The following UHMK1 variants were observed in gnomAD, a reference collection of about 807,000 sequenced individuals.
UHMK1 encodes serine/threonine-protein kinase Kist.
In UHMK1, 18 loss-of-function variants were observed where a neutral mutation model predicts 44.0. The observed-to-expected ratio is 0.41, with a 90% CI of 0.28 to 0.61. The LOEUF (loss-of-function observed/expected upper bound fraction) is 0.61. UHMK1 is among the 20% of genes least tolerant of loss of function. UHMK1 has a pLI of 0.31. For synonymous variants in UHMK1, 231 were observed against 198.5 expected, an observed-to-expected ratio of 1.16 and a Z score of -1.38; for missense variants, 463 against 522.5, an observed-to-expected ratio of 0.89 and a Z score of 1.11.
intron 7 of UHMK1, among the ~76,000 whole-genome samples, chr1:162,520,357 A>G (rs1652010634): frequency 6.6e-6 from 1 of 152,242 alleles, no homozygotes; most frequent in Admixed American, 6.5e-5. Flanking sequence ...ACTAATATGT[A>G]TAATTGTATC....
At chr1:162,497,685 A>G (rs1259509270), upstream of UHMK1, 1 of 841,250 alleles carries the variant, frequency 1.2e-6, no homozygotes, top group Non-Finnish European at 1.6e-6. Context: ...TAGATACTCA[A>G]TAATTAAGGT....
At chr1:162,514,307 G>T (rs7536664) in intron 6 of UHMK1, among the ~76,000 whole-genome samples, 68,543 of 150,460 alleles carry the variant, frequency 0.46, 15,629 homozygotes, top group East Asian at 0.47. Flanking sequence ...AAAAAAAGAG[G>T]GTAGACTGAG....
chr1:162,523,816 A>G lies in UHMK1; in HGVS notation c.*1266A>G, dbSNP rs1652145927. On this transcript the variant is annotated 3_prime_UTR_variant, in exon 8 of 8. Coordinates refer to ENST00000489294, the MANE Select transcript of UHMK1 (RefSeq NM_175866.5). ...TTTGGCTTTTGACTGCAAGGTAGTTAAGAAAGGTGTAGATATAATGAGGTA... is the reference window on the plus strand; with the variant it reads ...TTTGGCTTTTGACTGCAAGGTAGTTGAGAAAGGTGTAGATATAATGAGGTA... 1 of 152,190 alleles carries G rather than the reference A, an allele frequency of 6.6e-6. No individual in the cohort carries two copies. The highest frequency in any genetic ancestry group is 2.4e-5 in the African/African-American group (1 of 41,446). 9.4% of individuals were successfully genotyped at this position (152,190 alleles called of 1,614,324 possible).
At chr1:162,498,591 C>G (rs146469718) in intron 1 of UHMK1, among the ~76,000 whole-genome samples, 16 of 152,278 alleles carry the variant, frequency 1.1e-4, no homozygotes, top group South Asian at 6.2e-4. Context: ...ATTGTCGTGT[C>G]TTGTGTGGAA....
Position 162,500,971 on chromosome 1 carries a change from G to T in UHMK1, c.620G>T (p.Cys207Phe). 1 of 1,614,040 alleles carries T rather than the reference G, an allele frequency of 6.2e-7. No homozygotes were observed. Among genetic ancestry groups the T allele is most frequent in the Non-Finnish European group, 8.5e-7 (1 of 1,179,994 alleles). ...YRAPEAELQNCLAQAGLQSDT... is the reference protein window; with the variant it reads ...YRAPEAELQNFLAQAGLQSDT... ...GCTCCAGAAGCAGAATTGCAAAATT[G>T]CTTGGCCCAGGCTGGCCTGCAGAGT... Residue 207 changes from cysteine to phenylalanine, a missense_variant, in exon 3 of 8, where the codon TGC becomes TTC. Transcript: ENST00000489294.
At position 162,526,704 on chromosome 1, in the gene UHMK1, C is replaced by A. The variant is rs564961752; in HGVS notation, c.*4154C>A. On this transcript the variant is annotated 3_prime_UTR_variant, in exon 8 of 8. Transcript: ENST00000489294. ...TATTCACTGTCTGCCTGGAAATAGC[C>A]TTGGTTTACCTTATTTTTTTGTATA... The A allele has an allele frequency of 2.0e-5, 3 of 152,064 alleles. No homozygotes were observed. The East Asian group carries it at 5.8e-4, about 29-fold the overall frequency. 9.4% of individuals were successfully genotyped at this position (152,064 alleles called of 1,614,324 possible).
intron 4 of UHMK1, among the ~76,000 whole-genome samples, chr1:162,511,189 CTTTTTTTTTT>C (rs142796500): frequency 2.0e-5 from 2 of 101,006 alleles, no homozygotes; most frequent in Admixed American, 1.1e-4. Flanking sequence ...TTTTCTTTTT[CTTTTTTTTTT>C]TTTTTTTTTG....
chr1:162,498,056 T>C lies in UHMK1; in HGVS notation c.56T>C (p.Phe19Ser), dbSNP rs1261430949. The stretch of plus-strand genomic sequence containing the variant: ...GAGCCGCCGCGTTTTCTGGAGGCCT[T>C]CGGGCGGCTGTGGCAGGTACAGAGC... ...GAEPPRFLEA[F>S]GRLWQVQSRL... Residue 19 changes from phenylalanine (F) to serine (S), a missense_variant, in exon 1 of 8, where the codon TTC (phenylalanine) becomes TCC (serine). Coordinates refer to ENST00000489294, the MANE Select transcript of UHMK1 (RefSeq NM_175866.5). 6.2e-7 allele frequency: 1 copy of C among 1,604,866 alleles called. No individual in the cohort carries two copies. The highest frequency in any genetic ancestry group is 8.5e-7 in the Non-Finnish European group (1 of 1,174,842).
intron 4 of UHMK1, among the ~76,000 whole-genome samples, chr1:162,511,686 T>C (rs1316883202): frequency 1.3e-5 from 2 of 152,216 alleles, no homozygotes; most frequent in African/African-American, 4.8e-5. Context: ...AACAATGTTG[T>C]GCAGCTTTTC....
intron 7 of UHMK1, among the ~76,000 whole-genome samples, chr1:162,520,498 G>C (rs1378842193): frequency 1.3e-5 from 2 of 152,184 alleles, no homozygotes; most frequent in African/African-American, 4.8e-5. Context: ...GATTAAGGAA[G>C]AAACTTAAGG....
In UHMK1 at chr1:162,522,681, A is replaced by T; in HGVS notation, c.*131A>T. 2 of 1,057,516 alleles carry T rather than the reference A, an allele frequency of 1.9e-6. No individual in the cohort carries two copies. Among genetic ancestry groups the T allele is most frequent in the Non-Finnish European group, 2.7e-6 (2 of 746,222 alleles). 65.5% of individuals were successfully genotyped at this position (1,057,516 alleles called of 1,614,324 possible). A position where few individuals can be genotyped will look rare whatever the true frequency, so the allele number is the denominator to read the frequency against. ...CATTTATTTAATCCTACTAATGTGCAGCCATTGCCCAAGCAGTGACTGCGT... is the reference window on the plus strand; with the variant it reads ...CATTTATTTAATCCTACTAATGTGCTGCCATTGCCCAAGCAGTGACTGCGT... On this transcript the variant is annotated 3_prime_UTR_variant, in exon 8 of 8. Transcript: ENST00000489294.
intron 6 of UHMK1, among the ~76,000 whole-genome samples, chr1:162,517,833 C>T (rs1307350101): frequency 2.0e-5 from 3 of 151,512 alleles, no homozygotes; most frequent in Admixed American, 6.6e-5. Context: ...TGCAGTGTCA[C>T]GCCACTGCAC....
chr1:162,501,155 T>C lies in UHMK1; in HGVS notation c.753+51T>C, dbSNP rs779320806. The C allele has an allele frequency of 2.6e-6, 4 of 1,530,044 alleles. 1 individual carries two copies. The South Asian group carries it at 3.6e-5, about 14-fold the overall frequency. 94.8% of individuals were successfully genotyped at this position (1,530,044 alleles called of 1,614,324 possible). A position where few individuals can be genotyped will look rare whatever the true frequency, so the allele number is the denominator to read the frequency against. On this transcript the variant is annotated intron_variant, in intron 3 of 7. Coordinates refer to ENST00000489294, the MANE Select transcript of UHMK1 (RefSeq NM_175866.5). ...GGGGTCCTTACTTTCAACTTAAGAG[T>C]ATTCAATTTATGATGATTTTTTTTT...
At chr1:162,497,338 A>G (rs1372504372), upstream of UHMK1, 1 of 699,306 alleles carries the variant, frequency 1.4e-6, no homozygotes, top group Non-Finnish European at 2.6e-6. Context: ...CATGGACTGA[A>G]CCAGAATTTT....
intron 6 of UHMK1, among the ~76,000 whole-genome samples, chr1:162,516,982 A>G (rs1299875958): frequency 1.3e-5 from 2 of 152,228 alleles, no homozygotes; most frequent in African/African-American, 2.4e-5. Flanking sequence ...CAGCATTTCT[A>G]TTTCTAGAAT....
chr1:162,508,198 G>A (rs1357042316), intron 4 of UHMK1, among the ~76,000 whole-genome samples: 7 of 151,892 alleles, frequency 4.6e-5, no homozygotes, highest in Admixed American at 2.0e-4. Context: ...TGCAACCTCC[G>A]CCTCTCAGGT....
At chr1:162,513,015 C>T (rs566932629) in intron 6 of UHMK1, 192 bp downstream of exon 6, 13 of 525,248 alleles carry the variant, frequency 2.5e-5, no homozygotes, top group Non-Finnish European at 4.0e-5. Flanking sequence ...TGCAGTGGCA[C>T]GATCTCAGCT....
Position 162,527,196 on chromosome 1 carries a change from AATACT to A in UHMK1, c.*4650_*4654del, listed in dbSNP as rs1652280168. Reference sequence around the variant, plus strand: ...TTGTTTTAGGATAGCTTCTCTGCCTAATACTATAGGATATGTCATGTTCGTTATTG... The same window carrying A: ...TTGTTTTAGGATAGCTTCTCTGCCTAATAGGATATGTCATGTTCGTTATTG... On this transcript the variant is annotated 3_prime_UTR_variant, in exon 8 of 8. Coordinates refer to ENST00000489294, the MANE Select transcript of UHMK1 (RefSeq NM_175866.5). The A allele has an allele frequency of 6.6e-6, 1 of 152,130 alleles. No homozygotes were observed. Among genetic ancestry groups the A allele is most frequent in the African/African-American group, 2.4e-5 (1 of 41,456 alleles). The allele number at this position is 152,130 out of a possible 1,614,324, so 9.4% of individuals were successfully genotyped here.
chr1:162,523,463 G>A lies in UHMK1; in HGVS notation c.*913G>A, dbSNP rs993953126. On this transcript the variant is annotated 3_prime_UTR_variant, in exon 8 of 8. Transcript: ENST00000489294. ...AGACTTCTAAAATGATTGGAACAAA[G>A]ACTAAGTTGTGCCAGATGTAAATCA... 1.3e-5 allele frequency: 2 copies of A among 152,634 alleles called. No homozygotes were observed. The highest frequency in any genetic ancestry group is 2.9e-5 in the Non-Finnish European group (2 of 68,026). The allele number at this position is 152,634 out of a possible 1,614,324, so 9.5% of individuals were successfully genotyped here. A position where few individuals can be genotyped will look rare whatever the true frequency, so the allele number is the denominator to read the frequency against.
Sources: gnomAD v4.1 joint callset for allele counts (sites outside exome capture counted in the v4.1 genomes callset) on GRCh38, gnomAD v4.1.1 for gene constraint, MANE v1.5 for transcripts, NCBI Gene and HGNC (gene_info 2026-07-23, HGNC 2026-07-21) for gene names.